CLASP1: variants seen among roughly 807,000 people sequenced by gnomAD.
CLASP1 encodes cytoplasmic linker associated protein 1.
Under a neutral mutation model 192.3 loss-of-function variants are expected in CLASP1, and 38 were observed. The ratio of observed to expected loss-of-function variants is 0.20; its 90% CI spans 0.15 to 0.26. The LOEUF (loss-of-function observed/expected upper bound fraction) is 0.26, where lower values mean the gene tolerates loss of function less well. Ranked by LOEUF, CLASP1 falls within the 10% of genes least tolerant of loss-of-function variation. The pLI is 1.00. For missense variants in CLASP1, 1,433 were observed against 1,932.5 expected, an observed-to-expected ratio of 0.74 and a Z score of 4.85; for synonymous variants, 691 against 712.8, an observed-to-expected ratio of 0.97 and a Z score of 0.49.
At chr2:121,490,402 A>G in intron 8 of CLASP1, 1 of 354,492 alleles carries the variant, frequency 2.8e-6, no homozygotes, top group Non-Finnish European at 5.5e-6. Context: ...GTGATCCGGC[A>G]GCACCAATGA....
chr2:121,524,608 C>T (rs1028195252), intron 6 of CLASP1, among the ~76,000 whole-genome samples: 2 of 151,990 alleles, frequency 1.3e-5, no homozygotes, highest in Non-Finnish European at 2.9e-5. Flanking sequence ...AGGTGAACGC[C>T]ACCATGCCTG....
At chr2:121,362,443 ACT>A (rs2066597110) in intron 37 of CLASP1, among the ~76,000 whole-genome samples, 2 of 152,088 alleles carry the variant, frequency 1.3e-5, no homozygotes, top group African/African-American at 4.8e-5. Flanking sequence ...ATGTCCTGCC[ACT>A]CTCTACCAGG....
At chr2:121,449,147 C>G (rs779838209) in intron 16 of CLASP1, 27 bp from the exon 17 acceptor site, 4 of 1,606,650 alleles carry the variant, frequency 2.5e-6, no homozygotes, top group African/African-American at 2.7e-5. Context: ...AAATCCTGGT[C>G]TAATTCAAGG....
chr2:121,537,088 T>C (rs2104936068), intron 2 of CLASP1, among the ~76,000 whole-genome samples: 1 of 152,238 alleles, frequency 6.6e-6, no homozygotes, highest in Non-Finnish European at 1.5e-5. Context: ...CACTGAATTA[T>C]ACACCTTTAA....
chr2:121,641,622 T>C (rs1366110954), intron 1 of CLASP1, among the ~76,000 whole-genome samples: 1 of 152,230 alleles, frequency 6.6e-6, no homozygotes, highest in Non-Finnish European at 1.5e-5. Context: ...AATGTGAGTT[T>C]CATACAGTTT....
At chr2:121,349,975 G>T (rs1325599911) in intron 37 of CLASP1, among the ~76,000 whole-genome samples, 1 of 152,148 alleles carries the variant, frequency 6.6e-6, no homozygotes, top group Non-Finnish European at 1.5e-5. Flanking sequence ...GATAAATGGT[G>T]AGCAGTACTC....
At chr2:121,384,067 TACAC>T (rs201621935) in intron 32 of CLASP1, among the ~76,000 whole-genome samples, 13 of 136,510 alleles carry the variant, frequency 9.5e-5, no homozygotes, top group African/African-American at 2.1e-4. Context: ...TATGTATATA[TACAC>T]ACACACATAT....
intron 14 of CLASP1, among the ~76,000 whole-genome samples, chr2:121,452,826 T>C (rs2085785330): frequency 6.6e-6 from 1 of 152,118 alleles, no homozygotes; most frequent in Non-Finnish European, 1.5e-5. Flanking sequence ...TAAAAATTTC[T>C]TTTTCCTAAG....
At chr2:121,351,516 C>T (rs894377471) in intron 37 of CLASP1, among the ~76,000 whole-genome samples, 1 of 152,238 alleles carries the variant, frequency 6.6e-6, no homozygotes, top group Admixed American at 6.5e-5. Flanking sequence ...ATATGTCCCA[C>T]TTAAAGAAGC....
chr2:121,631,591 T>C (rs2069667716), intron 1 of CLASP1, among the ~76,000 whole-genome samples: 1 of 150,546 alleles, frequency 6.6e-6, no homozygotes, highest in East Asian at 2.1e-4. Context: ...CGGCCTGAAA[T>C]TACATTTTTT....
chr2:121,536,377 T>TAAA lies in CLASP1; in HGVS notation c.196-6053_196-6052insTTT, dbSNP rs1559552495. ...GCCTGGGCGACAGAGCAAGACTGTCTGAAAAAAAAAAAAAAAAAAAAAAAA... is the reference window on the plus strand; with the variant it reads ...GCCTGGGCGACAGAGCAAGACTGTCTAAAGAAAAAAAAAAAAAAAAAAAAAAAA... On this transcript the variant is annotated intron_variant, in intron 2 of 39. Transcript: ENST00000263710. 3.5e-4 allele frequency among the ~76,000 whole-genome samples: 22 copies of TAAA among 62,076 alleles called. 1 individual carries two copies. Among genetic ancestry groups the TAAA allele is most frequent in the African/African-American group, 3.3e-3 (21 of 6,392 alleles). 40.7% of individuals were successfully genotyped at this position (62,076 alleles called of 152,430 possible). A position where few individuals can be genotyped will look rare whatever the true frequency, so the allele number is the denominator to read the frequency against.
At chr2:121,440,473 G>A (rs560934612) in intron 19 of CLASP1, among the ~76,000 whole-genome samples, 19 of 152,322 alleles carry the variant, frequency 1.2e-4, no homozygotes, top group East Asian at 5.8e-4. Context: ...GCCAAGGCAC[G>A]AGGGTCACTT....
intron 21 of CLASP1, among the ~76,000 whole-genome samples, chr2:121,426,586 CTTTT>C (rs1282822840): frequency 6.6e-6 from 1 of 152,094 alleles, no homozygotes; most frequent in Non-Finnish European, 1.5e-5. Context: ...AACACATATT[CTTTT>C]TACCTTTCCA....
At chr2:121,467,576 T>C (rs1161429706) in intron 9 of CLASP1, among the ~76,000 whole-genome samples, 1 of 152,220 alleles carries the variant, frequency 6.6e-6, no homozygotes, top group Non-Finnish European at 1.5e-5. Flanking sequence ...CTTTTTTTCA[T>C]GTTTGTTGGC....
intron 21 of CLASP1, among the ~76,000 whole-genome samples, chr2:121,425,778 C>T (rs1207143177): frequency 6.6e-6 from 1 of 152,038 alleles, no homozygotes; most frequent in Non-Finnish European, 1.5e-5. Flanking sequence ...ATAAAAATCA[C>T]AAAATAAGAT....
intron 2 of CLASP1, among the ~76,000 whole-genome samples, chr2:121,587,758 G>C (rs866801676): frequency 2.0e-5 from 3 of 151,402 alleles, no homozygotes; most frequent in Non-Finnish European, 4.4e-5. Flanking sequence ...TTGAACCCGG[G>C]AGGCGGAGGT....
chr2:121,407,506 G>A (rs779474605), exon 25 of CLASP1: 2 of 1,613,940 alleles, frequency 1.2e-6, no homozygotes, highest in Non-Finnish European at 1.7e-6. Flanking sequence ...AGTTCTGCAG[G>A]CCCAGAAGCC....
intron 1 of CLASP1, among the ~76,000 whole-genome samples, chr2:121,621,993 G>A (rs890359139): frequency 4.6e-5 from 7 of 151,596 alleles, no homozygotes; most frequent in African/African-American, 1.2e-4. Context: ...GATTACAGGC[G>A]TGCACCACCA....
chr2:121,495,166 C>T lies in CLASP1; in HGVS notation c.712+8001G>A, dbSNP rs550039330. 3.6e-3 allele frequency among the ~76,000 whole-genome samples: 552 copies of T among 151,906 alleles called. 5 individuals carry two copies. Among genetic ancestry groups the T allele is most frequent in the African/African-American group, 0.013 (529 of 41,412 alleles). Reference sequence around the variant, plus strand: ...TGAAACTCCATCTCTACTAAAAATACAAACAAATTAGCTGGGCGTGGTGGC... The same window carrying T: ...TGAAACTCCATCTCTACTAAAAATATAAACAAATTAGCTGGGCGTGGTGGC... On this transcript the variant is annotated intron_variant, in intron 8 of 39. Coordinates refer to ENST00000263710, the Ensembl canonical transcript of CLASP1.
Sources: gnomAD v4.1 joint callset for allele counts (sites outside exome capture counted in the v4.1 genomes callset) on GRCh38, gnomAD v4.1.1 for gene constraint, MANE v1.5 for transcripts, NCBI Gene and HGNC (gene_info 2026-07-23, HGNC 2026-07-21) for gene names.